The following RIF1 variants were observed in gnomAD, a reference collection of about 807,000 sequenced individuals.
RIF1 encodes the protein replication timing regulatory factor 1.
Under a neutral mutation model 247.1 loss-of-function variants are expected in RIF1, and 45 were observed. The observed-to-expected ratio is 0.18, with a 90% CI of 0.14 to 0.23. RIF1 has a LOEUF of 0.23. Among genes scored for constraint, RIF1 ranks in the 10% least tolerant of loss-of-function variants. The pLI, the probability that RIF1 is intolerant of heterozygous loss-of-function variation, is 1.00. For synonymous variants in RIF1, 1,087 were observed against 978.8 expected (o/e 1.11, Z -2.06); for missense variants, 2,967 against 2,862.5 (o/e 1.04, Z -0.83).
In RIF1 at chr2:151,464,931, A is replaced by C. The variant is rs780761385; in HGVS notation, c.5411A>C (p.Asn1804Thr). 6.4e-7 allele frequency: 1 copy of C among 1,574,610 alleles called. No individual in the cohort carries two copies. Residue 1804 changes from asparagine (N) to threonine (T), a missense_variant, in exon 30 of 36, where the codon AAT (asparagine) becomes ACT (threonine). Transcript: ENST00000444746. ...TTTCATTTGGGTCTCAAAGAGGATA[A>C]TGATACTATTAATGATTCATTAATT... ...VNFHLGLKED[N>T]DTINDSLIVS...
chr2:151,506,148 C>T lies in RIF1; in HGVS notation c.*862-62C>T, dbSNP rs2068703125. The stretch of plus-strand genomic sequence containing the variant: ...AGGGAGGCAGAAAATATTGCAAGTG[C>T]ATTCACTGTGTCTTTACCGAGCTAA... On this transcript the variant is annotated intron_variant and NMD_transcript_variant, in intron 12 of 13. Coordinates refer to the RIF1 transcript ENST00000454583. 1.3e-6 allele frequency: 2 copies of T among 1,576,318 alleles called. No homozygotes were observed. Among genetic ancestry groups the T allele is most frequent in the East Asian group, 2.2e-5 (1 of 44,666 alleles).
chr2:151,434,661 C>G (rs569293458), intron 10 of RIF1, among the ~76,000 whole-genome samples: 3 of 151,878 alleles, frequency 2.0e-5, no homozygotes, highest in South Asian at 2.1e-4. Context: ...AGGATGGTCT[C>G]GATCTCCTGA....
chr2:151,431,529 C>T (rs569182051), intron 9 of RIF1, among the ~76,000 whole-genome samples: 1 of 152,174 alleles, frequency 6.6e-6, no homozygotes, highest in Non-Finnish European at 1.5e-5. Context: ...CGTGGTGGCT[C>T]ACGCCTGTAA....
chr2:151,530,189 G>T, the RIF1 span, among the ~76,000 whole-genome samples: 2 of 152,178 alleles, frequency 1.3e-5, no homozygotes, highest in South Asian at 4.1e-4. Context: ...CAATCATTCT[G>T]CCTTTTAAAA....
At chr2:151,432,957 T>A in intron 9 of RIF1, 120 bp from the exon 10 acceptor site, 2 of 760,488 alleles carry the variant, frequency 2.6e-6, no homozygotes, top group Non-Finnish European at 3.9e-6. Context: ...GGGGATTTAT[T>A]TTTTTAAAAA....
At chr2:151,532,914 CTG>C in the RIF1 span, among the ~76,000 whole-genome samples, 2 of 152,040 alleles carry the variant, frequency 1.3e-5, no homozygotes, top group African/African-American at 4.8e-5. Flanking sequence ...CACTGTTAAC[CTG>C]TGTGTGTGGG....
chr2:151,467,985 G>C lies in RIF1; in HGVS notation c.6601-15G>C. The C allele has an allele frequency of 6.3e-7, 1 of 1,589,694 alleles. No individual in the cohort carries two copies. Among genetic ancestry groups the C allele is most frequent in the Non-Finnish European group, 8.5e-7 (1 of 1,171,288 alleles). ...CTTTAATTTTGTTAAGTAAAATCCT[G>C]ACCTGTGTTTTCAGGTTCGCCGTGT... On this transcript the variant is annotated splice_polypyrimidine_tract_variant and intron_variant, in intron 30 of 35. Transcript: ENST00000444746.
At chr2:151,518,480 T>G in the RIF1 span, 4 of 1,091,440 alleles carry the variant, frequency 3.7e-6, no homozygotes, top group South Asian at 5.3e-5. Context: ...GCATTCCTAT[T>G]TTTCCTCTTT....
rs144709880 is a variant in RIF1, at chr2:151,497,662, C to T, written c.*514-1683C>T. The T allele has an allele frequency of 7.9e-4, 1,251 of 1,585,128 alleles. 11 individuals are homozygous for T. The African/African-American group carries it at 0.015, about 18-fold the overall frequency. On this transcript the variant is annotated intron_variant and NMD_transcript_variant, in intron 10 of 13. Coordinates refer to the RIF1 transcript ENST00000454583. Reference sequence around the variant, plus strand: ...TTTCTTGATTGTGTTTGACTCTTTCCATCTCGGGAGTGACAGGTAAAGGGG... The same window carrying T: ...TTTCTTGATTGTGTTTGACTCTTTCTATCTCGGGAGTGACAGGTAAAGGGG...
intron 21 of RIF1, among the ~76,000 whole-genome samples, chr2:151,452,891 T>A (rs1280634160): frequency 6.6e-6 from 1 of 152,220 alleles, no homozygotes; most frequent in Non-Finnish European, 1.5e-5. Context: ...CAAATGTCTT[T>A]TCCACTCCGT....
At position 151,480,966 on chromosome 2, in the gene RIF1, CA is replaced by C. The variant is rs1476852975; in HGVS notation, c.*5899del. 1 of 80,564 alleles carries C rather than the reference CA, an allele frequency of 1.2e-5. No homozygotes were observed. The highest frequency in any genetic ancestry group is 3.5e-5 in the African/African-American group (1 of 28,586). 5.0% of individuals were successfully genotyped at this position (80,564 alleles called of 1,614,324 possible). A position where few individuals can be genotyped will look rare whatever the true frequency, so the allele number is the denominator to read the frequency against. Reference sequence around the variant, plus strand: ...TACATTTTTTAATGGTGAAAAAAGTCAAAAGAAGGACATTTTGTGACACATG... The same window carrying C: ...TACATTTTTTAATGGTGAAAAAAGTCAAAGAAGGACATTTTGTGACACATG... On this transcript the variant is annotated 3_prime_UTR_variant, in exon 36 of 36. Transcript: ENST00000444746.
chr2:151,482,884 C>T (rs1007445325), downstream of RIF1, among the ~76,000 whole-genome samples: 1 of 152,140 alleles, frequency 6.6e-6, no homozygotes. Flanking sequence ...CCCCAGCTAG[C>T]TTGGTGGTGT....
intron 8 of RIF1, among the ~76,000 whole-genome samples, chr2:151,425,749 C>T (rs925146155): frequency 6.9e-6 from 1 of 144,046 alleles, no homozygotes; most frequent in Non-Finnish European, 1.5e-5. Context: ...TCACTGCAAC[C>T]TCTGTCTCCT....
chr2:151,416,936 G>C, intron 6 of RIF1, 35 bp downstream of exon 6: 1 of 1,495,730 alleles, frequency 6.7e-7, no homozygotes, highest in Non-Finnish European at 9.2e-7. Context: ...TTGAAGAATA[G>C]TTTTCATAAA....
rs757122461 is a variant in RIF1, at chr2:151,505,493, C to T, written c.*862-717C>T. On this transcript the variant is annotated intron_variant and NMD_transcript_variant, in intron 12 of 13. Transcript: ENST00000454583. ...TGGCCACTACCGAGCTAATGTGCTT[C>T]TGCGTCTCCTTCACACGTTTCACTT... 5 of 1,613,702 alleles carry T rather than the reference C, an allele frequency of 3.1e-6. No individual in the cohort carries two copies. In the African/African-American group the frequency reaches 5.3e-5, roughly 17 times the overall value.
At chr2:151,427,042 T>G (rs1236346880) in intron 8 of RIF1, among the ~76,000 whole-genome samples, 1 of 152,200 alleles carries the variant, frequency 6.6e-6, no homozygotes, top group Non-Finnish European at 1.5e-5. Flanking sequence ...CCTTTAGCTC[T>G]TATAGCTAAC....
downstream of RIF1, among the ~76,000 whole-genome samples, chr2:151,486,973 A>T (rs2051036460): frequency 6.6e-6 from 1 of 152,202 alleles, no homozygotes; most frequent in Non-Finnish European, 1.5e-5. Flanking sequence ...TAGATTATGG[A>T]GATGGTTGGA....
intron 10 of RIF1, chr2:151,497,800 A>C (rs565189262): frequency 1.0e-4 from 155 of 1,539,552 alleles, no homozygotes; most frequent in Non-Finnish European, 1.3e-4. Context: ...AGGAAAAAAC[A>C]CAGTCATCCA....
Position 151,465,449 on chromosome 2 carries a change from G to C in RIF1, c.5929G>C (p.Asp1977His). 2 of 1,613,984 alleles carry C rather than the reference G, an allele frequency of 1.2e-6. No individual in the cohort carries two copies. Among genetic ancestry groups the C allele is most frequent in the Non-Finnish European group, 1.7e-6 (2 of 1,179,988 alleles). The stretch of plus-strand genomic sequence containing the variant: ...ATTTAATTCAGATATTAGTCTTTCT[G>C]ATAATACTACACCTGTAAAATTGAA... Reference protein sequence around the residue: ...EEFNSDISLSDNTTPVKLNAQ... With the variant: ...EEFNSDISLSHNTTPVKLNAQ... Residue 1977 changes from aspartate to histidine, a missense_variant, in exon 30 of 36, where the codon GAT (aspartate) becomes CAT (histidine). By Grantham distance (81) the Asp-to-His change is moderately conservative. Transcript: ENST00000444746.
Sources: allele counts gnomAD v4.1 joint callset (sites outside exome capture counted in the v4.1 genomes callset), GRCh38; gene constraint gnomAD v4.1.1; transcripts MANE v1.5; gene names NCBI Gene and HGNC (gene_info 2026-07-23, HGNC 2026-07-21).